The following TBC1D32 variants were observed in gnomAD, a reference collection of about 807,000 sequenced individuals.
TBC1D32 encodes the protein protein broad-minded.
A neutral mutation model predicts 170.3 loss-of-function variants in TBC1D32; 151 were observed. That is an observed-to-expected ratio of 0.89 (90% CI 0.78 to 1.01). The LOEUF (loss-of-function observed/expected upper bound fraction) is 1.01. TBC1D32 is among the 50% of genes least tolerant of loss of function. TBC1D32 has a pLI of 0.00. For synonymous variants in TBC1D32, 498 were observed against 488.0 expected, an observed-to-expected ratio of 1.02 and a Z score of -0.27; for missense variants, 1,464 against 1,457.1, an observed-to-expected ratio of 1.00 and a Z score of -0.08.
At chr6:121,112,951 A>C in intron 28 of TBC1D32, 111 bp downstream of exon 28, 1 of 774,916 alleles carries the variant, frequency 1.3e-6, no homozygotes, top group Non-Finnish European at 2.1e-6. Flanking sequence ...CAAATCACTA[A>C]TATAGCTTAA....
At chr6:121,151,693 G>A (rs187481121) in intron 24 of TBC1D32, among the ~76,000 whole-genome samples, 1 of 152,170 alleles carries the variant, frequency 6.6e-6, no homozygotes, top group Admixed American at 6.5e-5. Flanking sequence ...TCTTGTATTG[G>A]GTGCACATAT....
At chr6:121,230,555 A>C (rs746525637) in intron 20 of TBC1D32, among the ~76,000 whole-genome samples, 1 of 152,050 alleles carries the variant, frequency 6.6e-6, no homozygotes, top group Non-Finnish European at 1.5e-5. Flanking sequence ...GTGAATCAGA[A>C]CATATTTATT....
At chr6:121,147,329 T>C (rs906347357) in intron 24 of TBC1D32, among the ~76,000 whole-genome samples, 2 of 152,212 alleles carry the variant, frequency 1.3e-5, no homozygotes, top group Non-Finnish European at 2.9e-5. Flanking sequence ...TTTGGATATA[T>C]AGTCAGTAGT....
chr6:121,330,259 C>T (rs965140656), intron 1 of TBC1D32, among the ~76,000 whole-genome samples: 1 of 152,046 alleles, frequency 6.6e-6, no homozygotes, highest in Non-Finnish European at 1.5e-5. Context: ...GTCTTGAACT[C>T]CTGGTGTTAA....
chr6:121,092,085 C>T (rs1383176309), intron 30 of TBC1D32, among the ~76,000 whole-genome samples: 3 of 152,100 alleles, frequency 2.0e-5, no homozygotes, highest in Non-Finnish European at 4.4e-5. Context: ...CTTGTTAACA[C>T]TTTGATTATG....
chr6:121,257,523 T>C (rs1799202067), intron 15 of TBC1D32, among the ~76,000 whole-genome samples: 1 of 152,194 alleles, frequency 6.6e-6, no homozygotes, highest in Admixed American at 6.5e-5. Flanking sequence ...TAGCTAGAAT[T>C]CTTCTGTGAA....
rs1303907330 is a variant in TBC1D32 at position 121,080,744 on chromosome 6, C to T, written c.*27G>A. On this transcript the variant is annotated 3_prime_UTR_variant, in exon 32 of 32. Transcript: ENST00000398212. Reference sequence around the variant, plus strand: ...TGCTGTGTTTAAAAATAAATAAAACCTAAATTTAAACCGTGTGTCTCATGA... The same window carrying T: ...TGCTGTGTTTAAAAATAAATAAAACTTAAATTTAAACCGTGTGTCTCATGA... 1.9e-6 allele frequency: 3 copies of T among 1,589,054 alleles called. No homozygotes were observed. Among genetic ancestry groups the T allele is most frequent in the Admixed American group, 3.7e-5 (2 of 54,404 alleles).
At chr6:121,320,942 T>G (rs2128501515) in intron 2 of TBC1D32, among the ~76,000 whole-genome samples, 1 of 152,200 alleles carries the variant, frequency 6.6e-6, no homozygotes, top group South Asian at 2.1e-4. Flanking sequence ...AAAAAAAAAT[T>G]GACAATGGCA....
upstream of TBC1D32, chr6:121,334,721 A>G (rs570207269): frequency 6.2e-5 from 23 of 372,822 alleles, no homozygotes; most frequent in Admixed American, 8.1e-4. Context: ...CAAAAGAGAC[A>G]TCAGGAATGA....
At chr6:121,104,785 G>C (rs1349361193) in intron 30 of TBC1D32, among the ~76,000 whole-genome samples, 1 of 151,294 alleles carries the variant, frequency 6.6e-6, no homozygotes, top group Non-Finnish European at 1.5e-5. Context: ...CAAACAAATG[G>C]AAAAGCTTAC....
chr6:121,190,423 A>AC (rs1395945647), intron 22 of TBC1D32, among the ~76,000 whole-genome samples: 4 of 81,748 alleles, frequency 4.9e-5, no homozygotes, highest in Non-Finnish European at 9.4e-5. Context: ...CACTCTCTCT[A>AC]CCCCCCTACA....
intron 7 of TBC1D32, 43 bp from the exon 8 acceptor site, chr6:121,304,469 C>A: frequency 6.2e-7 from 1 of 1,604,024 alleles, no homozygotes; most frequent in Non-Finnish European, 8.5e-7. Flanking sequence ...TTAGCATCCT[C>A]AAATATAAAA....
chr6:121,152,152 T>C (rs901542739), intron 24 of TBC1D32, among the ~76,000 whole-genome samples: 1 of 152,204 alleles, frequency 6.6e-6, no homozygotes, highest in African/African-American at 2.4e-5. Flanking sequence ...GTTTTTCCTT[T>C]CAATATTTAG....
intron 12 of TBC1D32, among the ~76,000 whole-genome samples, chr6:121,288,318 G>C (rs1272140992): frequency 6.6e-6 from 1 of 152,048 alleles, no homozygotes; most frequent in Non-Finnish European, 1.5e-5. Context: ...TGATAAAGGG[G>C]ATATCAACAC....
At chr6:121,291,162 A>G (rs1442762075) in intron 12 of TBC1D32, among the ~76,000 whole-genome samples, 1 of 145,046 alleles carries the variant, frequency 6.9e-6, no homozygotes, top group Non-Finnish European at 1.5e-5. Flanking sequence ...AAAAAAAAAG[A>G]AAGAAAGAAA....
intron 1 of TBC1D32, among the ~76,000 whole-genome samples, chr6:121,332,295 A>G (rs1811321264): frequency 6.6e-6 from 1 of 152,166 alleles, no homozygotes; most frequent in South Asian, 2.1e-4. Context: ...AAGGTTTCCC[A>G]CATAGAAAAA....
At chr6:121,172,263 T>C (rs1787126661) in intron 22 of TBC1D32, among the ~76,000 whole-genome samples, 1 of 152,118 alleles carries the variant, frequency 6.6e-6, no homozygotes, top group African/African-American at 2.4e-5. Context: ...AGCATGAAAA[T>C]AGACTAATAC....
chr6:121,301,845 G>A (rs1806529861), intron 9 of TBC1D32, among the ~76,000 whole-genome samples: 1 of 151,750 alleles, frequency 6.6e-6, no homozygotes, highest in Non-Finnish European at 1.5e-5. Flanking sequence ...GGCCAAGCTG[G>A]TCTCAAACTC....
chr6:121,257,334 T>C (rs992608505), intron 15 of TBC1D32, among the ~76,000 whole-genome samples: 1 of 152,184 alleles, frequency 6.6e-6, no homozygotes, highest in Non-Finnish European at 1.5e-5. Flanking sequence ...CCAATTTTAG[T>C]GGTGCTAAAG....
Sources: gnomAD v4.1 joint callset for allele counts (sites outside exome capture counted in the v4.1 genomes callset) on GRCh38, gnomAD v4.1.1 for gene constraint, MANE v1.5 for transcripts, NCBI Gene and HGNC (gene_info 2026-07-23, HGNC 2026-07-21) for gene names.